Variants in MIAT observed in about 807,000 individuals in gnomAD.
MIAT encodes MI related novel mRNA.
At chr22:26,649,894 A>G (rs1930307583) in intron 2 of MIAT, among the ~76,000 whole-genome samples, 1 of 151,920 alleles carries the variant, frequency 6.6e-6, no homozygotes, top group African/African-American at 2.4e-5. Context: ...GCCTGGCAAC[A>G]GAGCGAGACT....
chr22:26,670,043 T>G, downstream of MIAT: 1 of 389,146 alleles, frequency 2.6e-6, no homozygotes, highest in Non-Finnish European at 4.5e-6. Context: ...GAGTATAGAC[T>G]TAGGGTTTAT....
intron 2 of MIAT, among the ~76,000 whole-genome samples, chr22:26,648,280 A>T (rs913147318): frequency 6.6e-6 from 1 of 151,952 alleles, no homozygotes; most frequent in Admixed American, 6.6e-5. Context: ...AGCAACACAC[A>T]CTCTGCCCCG....
downstream of MIAT, chr22:26,669,936 CT>C: frequency 5.0e-6 from 2 of 398,728 alleles, no homozygotes; most frequent in Middle Eastern, 1.3e-3. Context: ...AAGGAATGTG[CT>C]TGCCTGTCAG....
intron 3 of MIAT, among the ~76,000 whole-genome samples, chr22:26,664,009 T>C: frequency 6.0e-5 from 1 of 16,782 alleles, no homozygotes. Context: ...GTTCAGCTTT[T>C]TTTTTTTTTT....
chr22:26,652,956 T>C (rs16982545), intron 2 of MIAT, among the ~76,000 whole-genome samples: 17,244 of 152,168 alleles, frequency 0.11, 984 homozygotes, highest in African/African-American at 0.16. Flanking sequence ...GTTTACCATC[T>C]CGGGGCTTGC....
intron 2 of MIAT, among the ~76,000 whole-genome samples, chr22:26,659,446 T>C (rs2146004804): frequency 1.3e-5 from 2 of 152,288 alleles, no homozygotes; most frequent in South Asian, 4.1e-4. Flanking sequence ...CCCTACTCCT[T>C]AACAGGGAAG....
chr22:26,668,999 CCCAAAGGCTTAAGGGGTCACCT>C, exon 6 of MIAT: 4 of 398,592 alleles, frequency 1.0e-5, no homozygotes, highest in Non-Finnish European at 1.8e-5. Flanking sequence ...ACCAGTCTTA[CCCAAAGGCTTAAGGGGTCACCT>C]TAGCCCAGTC....
At chr22:26,674,598 G>T (rs1602377421), downstream of MIAT, 3 of 398,592 alleles carry the variant, frequency 7.5e-6, no homozygotes, top group Non-Finnish European at 8.8e-6. Context: ...GGCAGTGGGG[G>T]TGAAGGGTGA....
exon 1 of MIAT, chr22:26,646,846 C>T (rs1264968283): frequency 2.5e-6 from 1 of 398,462 alleles, no homozygotes; most frequent in African/African-American, 2.1e-5. Flanking sequence ...GCCTCTGTGT[C>T]TGCAGAGAGG....
At chr22:26,647,061 A>G (rs961868905) in intron 1 of MIAT, 1 of 397,912 alleles carries the variant, frequency 2.5e-6, no homozygotes, top group Non-Finnish European at 4.4e-6. Flanking sequence ...TAGAAGGCAT[A>G]AGCAGCTGGG....
chr22:26,672,475 G>C (rs774062496), downstream of MIAT: 2 of 399,338 alleles, frequency 5.0e-6, no homozygotes, highest in Non-Finnish European at 8.8e-6. Context: ...CCTATGTGCA[G>C]AAGTCTGGTT....
At chr22:26,672,955 C>T (rs1047899703), downstream of MIAT, 8 of 398,532 alleles carry the variant, frequency 2.0e-5, no homozygotes, top group Non-Finnish European at 3.1e-5. Flanking sequence ...CGTCTCCCCT[C>T]TCTGGAGCCG....
At chr22:26,655,993 T>G (rs570344117) in intron 2 of MIAT, 1 of 153,084 alleles carries the variant, frequency 6.5e-6, no homozygotes, top group East Asian at 1.9e-4. Context: ...CAGCCTGAAT[T>G]GTATTTTTCT....
At chr22:26,647,919 T>C (rs763275) in intron 2 of MIAT, among the ~76,000 whole-genome samples, 135,798 of 151,732 alleles carry the variant, frequency 0.89, 60,890 homozygotes, top group East Asian at 1. Context: ...AGGGTGAGTG[T>C]GAAACTGGAG....
downstream of MIAT, chr22:26,671,031 T>C (rs994213748): frequency 1.3e-5 from 5 of 397,974 alleles, no homozygotes; most frequent in African/African-American, 1.0e-4. Flanking sequence ...CAGTCGGTGA[T>C]GGAAGAGATG....
chr22:26,670,766 C>A (rs1243787821), downstream of MIAT: 1 of 398,530 alleles, frequency 2.5e-6, no homozygotes. Context: ...GCCGTAGAAT[C>A]TTTTTCTCAT....
intron 2 of MIAT, among the ~76,000 whole-genome samples, chr22:26,653,395 C>T (rs12159607): frequency 0.013 from 1,913 of 152,224 alleles, 40 homozygotes; most frequent in African/African-American, 0.044. Context: ...ATGGTCACCC[C>T]TTTTGCTCCC....
At chr22:26,661,333 T>TA (rs1174312123) in intron 2 of MIAT, among the ~76,000 whole-genome samples, 1 of 152,178 alleles carries the variant, frequency 6.6e-6, no homozygotes, top group Non-Finnish European at 1.5e-5. Context: ...TCTGTCTCCC[T>TA]ATCCCATCCC....
exon 5 of MIAT, chr22:26,676,340 A>G: frequency 2.5e-6 from 1 of 398,622 alleles, no homozygotes; most frequent in Non-Finnish European, 4.4e-6. Context: ...GTGGGTAGAA[A>G]TTTCTCTGTA....
Sources: allele counts gnomAD v4.1 joint callset (sites outside exome capture counted in the v4.1 genomes callset), GRCh38; gene constraint gnomAD v4.1.1; transcripts MANE v1.5; gene names NCBI Gene and HGNC (gene_info 2026-07-23, HGNC 2026-07-21).